The following STAM variants were observed in gnomAD, a reference collection of about 807,000 sequenced individuals.
STAM encodes the protein signal transducing adaptor molecule, also known as signal transducing adapter molecule 1.
STAM carries 16 observed loss-of-function variants against 63.4 expected under a neutral mutation model. That is an observed-to-expected ratio of 0.25 (90% CI 0.17 to 0.38). The LOEUF (loss-of-function observed/expected upper bound fraction) is 0.38. STAM is among the 10% of genes least tolerant of loss of function. The pLI, the probability that STAM is intolerant of heterozygous loss-of-function variation, is 1.00. For synonymous variants in STAM, 238 were observed against 223.9 expected, an observed-to-expected ratio of 1.06 and a Z score of -0.56; for missense variants, 636 against 657.1, an observed-to-expected ratio of 0.97 and a Z score of 0.35.
intron 13 of STAM, among the ~76,000 whole-genome samples, chr10:17,711,480 T>TA (rs1589119555): frequency 6.6e-6 from 1 of 152,060 alleles, no homozygotes; most frequent in Admixed American, 6.6e-5. Context: ...GGCAAACACA[T>TA]AAAAAAATAT....
intron 2 of STAM, among the ~76,000 whole-genome samples, chr10:17,675,909 T>C (rs182313923): frequency 1.3e-5 from 2 of 152,296 alleles, no homozygotes; most frequent in East Asian, 3.9e-4. Flanking sequence ...CACTGATACC[T>C]ACAAATAGCA....
At chr10:17,671,062 A>T (rs1834619918) in intron 2 of STAM, among the ~76,000 whole-genome samples, 1 of 152,198 alleles carries the variant, frequency 6.6e-6, no homozygotes, top group African/African-American at 2.4e-5. Flanking sequence ...GAGCATTCAT[A>T]TTATCTCTTA....
rs782572896 is a variant in STAM, at chr10:17,700,167, AG to A, written c.824-23del. 8.4e-6 allele frequency: 13 copies of A among 1,556,622 alleles called. No individual in the cohort carries two copies. The East Asian group carries it at 3.0e-4, about 35-fold the overall frequency. On this transcript the variant is annotated intron_variant, in intron 8 of 13. Transcript: ENST00000377524. Reference sequence around the variant, plus strand: ...GAATTTTAAATGTATTATTAAAAAAAGATAACTTTTACATATCTTACAGTTA... The same window carrying A: ...GAATTTTAAATGTATTATTAAAAAAAATAACTTTTACATATCTTACAGTTA...
In STAM at chr10:17,666,387, A is replaced by ATTTTTTTTTTTTTTTTTTTTT. The variant is rs10673746; in HGVS notation, c.125+5844_125+5864dup. Among the ~76,000 whole-genome samples, 7 of 85,912 alleles carry ATTTTTTTTTTTTTTTTTTTTT rather than the reference A, an allele frequency of 8.1e-5. 1 individual carries two copies. The highest frequency in any genetic ancestry group is 3.0e-4 in the African/African-American group (6 of 19,974). 56.4% of individuals were successfully genotyped at this position (85,912 alleles called of 152,430 possible). A position where few individuals can be genotyped will look rare whatever the true frequency, so the allele number is the denominator to read the frequency against. On this transcript the variant is annotated intron_variant, in intron 2 of 13. Coordinates refer to ENST00000377524, the MANE Select transcript of STAM (RefSeq NM_003473.4). ...TAAAAATGTTTTTCCTTGGCTTTGTATTTTTTTTTTTTTTTTTTTTTTTTT... is the reference window on the plus strand; with the variant it reads ...TAAAAATGTTTTTCCTTGGCTTTGTATTTTTTTTTTTTTTTTTTTTTTTTTTTTTTTTTTTTTTTTTTTTTT...
chr10:17,706,699 T>C (rs1282900765), intron 12 of STAM, among the ~76,000 whole-genome samples: 1 of 152,032 alleles, frequency 6.6e-6, no homozygotes, highest in Non-Finnish European at 1.5e-5. Flanking sequence ...TTTTTAAAGC[T>C]TCGTATGTAA....
intron 12 of STAM, among the ~76,000 whole-genome samples, chr10:17,707,214 C>T (rs929529777): frequency 1.3e-5 from 2 of 151,996 alleles, no homozygotes; most frequent in Non-Finnish European, 2.9e-5. Context: ...TGGAGACCAT[C>T]CTGGCTAACA....
chr10:17,714,127 C>G (rs1426441745), intron 13 of STAM, among the ~76,000 whole-genome samples: 4 of 152,150 alleles, frequency 2.6e-5, no homozygotes, highest in African/African-American at 9.7e-5. Flanking sequence ...TAAGTATTGC[C>G]TTATTGGAGA....
At chr10:17,673,043 T>C (rs1834704830) in intron 2 of STAM, 1 of 985,394 alleles carries the variant, frequency 1.0e-6, no homozygotes, top group Non-Finnish European at 1.2e-6. Flanking sequence ...AAGAAGCTTT[T>C]TGAGAGAGAT....
intron 1 of STAM, among the ~76,000 whole-genome samples, chr10:17,658,726 A>T (rs1298452905): frequency 6.6e-6 from 1 of 152,094 alleles, no homozygotes; most frequent in African/African-American, 2.4e-5. Flanking sequence ...GGCTCAAATG[A>T]TCTGCCCACT....
rs113681947 is a variant in STAM at position 17,695,295 on chromosome 10, T to C, written c.728+54T>C. The C allele has an allele frequency of 7.5e-4, 1,138 of 1,509,284 alleles. 12 individuals carry two copies. In the African/African-American group the frequency reaches 0.014, roughly 19 times the overall value. 93.5% of individuals were successfully genotyped at this position (1,509,284 alleles called of 1,614,324 possible). A position where few individuals can be genotyped will look rare whatever the true frequency, so the allele number is the denominator to read the frequency against. On this transcript the variant is annotated intron_variant, in intron 7 of 13. Coordinates refer to ENST00000377524, the MANE Select transcript of STAM (RefSeq NM_003473.4). ...TATGAAAGTGTGTATGGCTTCTGTGTTTCATATTATTCCTGTTGATTGCAG... is the reference window on the plus strand; with the variant it reads ...TATGAAAGTGTGTATGGCTTCTGTGCTTCATATTATTCCTGTTGATTGCAG...
intron 13 of STAM, among the ~76,000 whole-genome samples, chr10:17,710,542 G>C (rs1554829966): frequency 6.6e-6 from 1 of 152,184 alleles, no homozygotes; most frequent in East Asian, 1.9e-4. Flanking sequence ...TGTTAGCTTA[G>C]CTGCATTTTT....
intron 1 of STAM, among the ~76,000 whole-genome samples, chr10:17,658,573 C>T (rs55662542): frequency 0.018 from 2,807 of 152,154 alleles, 43 homozygotes; most frequent in Non-Finnish European, 0.03. Context: ...TGCAGTGGTG[C>T]AATCTTGGTT....
chr10:17,692,883 C>T (rs1835600978), intron 5 of STAM, among the ~76,000 whole-genome samples: 1 of 151,904 alleles, frequency 6.6e-6, no homozygotes, highest in Admixed American at 6.6e-5. Flanking sequence ...TTCTGTCTCC[C>T]AGCCTCTTTT....
chr10:17,709,504 C>G (rs1184348522), intron 13 of STAM, among the ~76,000 whole-genome samples: 1 of 152,088 alleles, frequency 6.6e-6, no homozygotes, highest in Non-Finnish European at 1.5e-5. Flanking sequence ...ATGACAGAGG[C>G]CCATTTACTT....
chr10:17,653,587 C>CT (rs1564527760), intron 1 of STAM, among the ~76,000 whole-genome samples: 1 of 152,092 alleles, frequency 6.6e-6, no homozygotes, highest in Non-Finnish European at 1.5e-5. Context: ...ATTCAAACAA[C>CT]AGTGGATCAA....
At chr10:17,670,658 G>T (rs1834600097) in intron 2 of STAM, among the ~76,000 whole-genome samples, 1 of 152,064 alleles carries the variant, frequency 6.6e-6, no homozygotes, top group African/African-American at 2.4e-5. Context: ...TTTTAGTTCA[G>T]CATGTAGAAG....
intron 2 of STAM, among the ~76,000 whole-genome samples, chr10:17,678,260 A>ATTTTTTTTTTTT (rs34286916): frequency 6.7e-6 from 1 of 150,104 alleles, no homozygotes; most frequent in Non-Finnish European, 1.5e-5. Context: ...ATGTGGTGTA[A>ATTTTTTTTTTTT]TTTTTTTTTT....
chr10:17,694,938 C>A, intron 6 of STAM, 111 bp from the exon 7 acceptor site: 1 of 977,636 alleles, frequency 1.0e-6, no homozygotes, highest in Non-Finnish European at 1.5e-6. Context: ...GTTCTAGTTT[C>A]TAACTATACT....
rs1179666505 is a variant in STAM at position 17,714,802 on chromosome 10, G to A, written c.*22G>A. ...ATAGGACCCGGTGTTCCTCTTGGTG[G>A]CAGATACCTGCTAAATGCCACTGAC... On this transcript the variant is annotated 3_prime_UTR_variant, in exon 14 of 14. Transcript: ENST00000377524. 2.8e-5 allele frequency: 44 copies of A among 1,590,778 alleles called. No individual in the cohort carries two copies. Among genetic ancestry groups the A allele is most frequent in the Non-Finnish European group, 3.6e-5 (42 of 1,158,770 alleles).
Sources: allele counts gnomAD v4.1 joint callset (sites outside exome capture counted in the v4.1 genomes callset), GRCh38; gene constraint gnomAD v4.1.1; transcripts MANE v1.5; gene names NCBI Gene and HGNC (gene_info 2026-07-23, HGNC 2026-07-21).